CBX5: variants seen among roughly 807,000 people sequenced by gnomAD.
The protein encoded by CBX5 is chromobox protein homolog 5.
CBX5 carries 7 observed loss-of-function variants against 20.7 expected under a neutral mutation model. That is an observed-to-expected ratio of 0.34 (90% CI 0.19 to 0.63). The LOEUF (loss-of-function observed/expected upper bound fraction) is 0.63. CBX5 is among the 30% of genes least tolerant of loss of function. CBX5 has a pLI of 0.75. For missense variants in CBX5, 110 were observed against 224.1 expected, an observed-to-expected ratio of 0.49 and a Z score of 3.25; for synonymous variants, 78 against 77.0, an observed-to-expected ratio of 1.01 and a Z score of -0.07.
intron 4 of CBX5, among the ~76,000 whole-genome samples, chr12:54,245,314 A>G (rs1321246380): frequency 6.6e-6 from 1 of 152,026 alleles, no homozygotes; most frequent in Non-Finnish European, 1.5e-5. Flanking sequence ...TCCGACCTTT[A>G]TATATTTTCT....
chr12:54,242,122 T>C (rs955001928), intron 4 of CBX5, among the ~76,000 whole-genome samples: 3 of 152,206 alleles, frequency 2.0e-5, no homozygotes, highest in Admixed American at 1.3e-4. Context: ...AGCTAGAATT[T>C]AGATGTAAAC....
rs572237003 is a variant in CBX5 at position 54,263,454 on chromosome 12, G to A, written c.-42-5762C>T. On this transcript the variant is annotated intron_variant, in intron 1 of 4. Transcript: ENST00000209875. ...GGGCAACCCAGAAAAACAAGAGGTA[G>A]GCCGGCACAGCGGCTCTCGCCTGTA... is the stretch of plus-strand genomic sequence containing the variant. Among the ~76,000 whole-genome samples the A allele has an allele frequency of 3.9e-5, 6 of 152,144 alleles. No individual in the cohort carries two copies. In the South Asian group the frequency reaches 1.2e-3, roughly 32 times the overall value.
At chr12:54,266,165 T>C (rs1943954565) in intron 1 of CBX5, among the ~76,000 whole-genome samples, 1 of 151,276 alleles carries the variant, frequency 6.6e-6, no homozygotes, top group Admixed American at 6.6e-5. Flanking sequence ...CCCAGCACTT[T>C]GAGAGGCAGA....
intron 4 of CBX5, among the ~76,000 whole-genome samples, chr12:54,242,542 A>C (rs1462956349): frequency 6.6e-6 from 1 of 151,716 alleles, no homozygotes; most frequent in East Asian, 1.9e-4. Flanking sequence ...AAAAAAAAAA[A>C]AACCTACATT....
chr12:54,265,645 C>G (rs1045271443), intron 1 of CBX5, among the ~76,000 whole-genome samples: 1 of 152,200 alleles, frequency 6.6e-6, no homozygotes, highest in Non-Finnish European at 1.5e-5. Context: ...CTATCATTAA[C>G]GAGCCACATA....
rs1337413514 is a variant in CBX5 at position 54,234,360 on chromosome 12, GT to G, written c.*7394del. ...GGCAATGACAGTTTAGGTTAACTCT[GT>G]TTGGAATTCCTAAAAATAAAAAGAA... On this transcript the variant is annotated 3_prime_UTR_variant, in exon 5 of 5. Coordinates refer to ENST00000209875, the MANE Select transcript of CBX5 (RefSeq NM_012117.3). 7 of 151,110 alleles carry G rather than the reference GT, an allele frequency of 4.6e-5. No individual in the cohort carries two copies. The highest frequency in any genetic ancestry group is 4.6e-4 in the Admixed American group (7 of 15,138). 9.4% of individuals were successfully genotyped at this position (151,110 alleles called of 1,614,324 possible).
At chr12:54,248,406 G>A (rs558786119) in intron 3 of CBX5, among the ~76,000 whole-genome samples, 1 of 152,298 alleles carries the variant, frequency 6.6e-6, no homozygotes, top group South Asian at 2.1e-4. Flanking sequence ...TCTACTGCCC[G>A]ATTTTCATAA....
chr12:54,242,294 G>C (rs1943684510), intron 4 of CBX5, among the ~76,000 whole-genome samples: 1 of 152,102 alleles, frequency 6.6e-6, no homozygotes, highest in South Asian at 2.1e-4. Flanking sequence ...GGGAGGCCGA[G>C]GCGGGTGGAT....
At position 54,233,006 on chromosome 12, in the gene CBX5, G is replaced by T. The variant is rs1445460229; in HGVS notation, c.*8749C>A. On this transcript the variant is annotated 3_prime_UTR_variant, in exon 5 of 5. Coordinates refer to ENST00000209875, the MANE Select transcript of CBX5 (RefSeq NM_012117.3). ...TAGCGCTCTTATAAAGCTGCAAGTT[G>T]GTGGCGTGGGAATCCTAGCACCACA... 1 of 152,046 alleles carries T rather than the reference G, an allele frequency of 6.6e-6. No homozygotes were observed. The highest frequency in any genetic ancestry group is 1.5e-5 in the Non-Finnish European group (1 of 68,020). 9.4% of individuals were successfully genotyped at this position (152,046 alleles called of 1,614,324 possible).
At chr12:54,248,018 T>A (rs1943754468) in intron 3 of CBX5, among the ~76,000 whole-genome samples, 1 of 152,052 alleles carries the variant, frequency 6.6e-6, no homozygotes, top group Admixed American at 6.6e-5. Flanking sequence ...TTTTTCCATT[T>A]TTAGTAGAGA....
intron 1 of CBX5, chr12:54,272,827 G>A (rs1029072528): frequency 6.6e-6 from 1 of 152,190 alleles, no homozygotes; most frequent in African/African-American, 2.4e-5. Context: ...CTTAGGTCTA[G>A]AAGGCTTGTT....
intron 1 of CBX5, 30 bp downstream of exon 1, chr12:54,279,978 T>C (rs1423183712): frequency 7.0e-6 from 1 of 143,624 alleles, no homozygotes. Context: ...CAAGACCTAC[T>C]ATGGGTAGAT....
At position 54,231,118 on chromosome 12, in the gene CBX5, T is replaced by C. The variant is rs1388399067; in HGVS notation, c.*10637A>G. The C allele has an allele frequency of 6.6e-6, 1 of 152,138 alleles. No individual in the cohort carries two copies. The highest frequency in any genetic ancestry group is 1.5e-5 in the Non-Finnish European group (1 of 68,032). 9.4% of individuals were successfully genotyped at this position (152,138 alleles called of 1,614,324 possible). On this transcript the variant is annotated 3_prime_UTR_variant, in exon 5 of 5. Transcript: ENST00000209875. ...AAGGTGAACATATATATAGACCACT[T>C]ATACTTTAAAAAAAAAATCAAAAGC...
At chr12:54,265,009 C>G (rs1428731801) in intron 1 of CBX5, among the ~76,000 whole-genome samples, 1 of 152,262 alleles carries the variant, frequency 6.6e-6, no homozygotes, top group African/African-American at 2.4e-5. Context: ...AAGCAAAATC[C>G]TTTAGGAAGT....
At chr12:54,252,278 G>A (rs1376885449) in intron 2 of CBX5, 51 bp from the exon 3 acceptor site, 3 of 1,388,786 alleles carry the variant, frequency 2.2e-6, no homozygotes, top group South Asian at 2.7e-5. Flanking sequence ...GGTAAAGAAT[G>A]AGGAAAAAAA....
At chr12:54,247,348 G>A (rs1943747321) in intron 3 of CBX5, among the ~76,000 whole-genome samples, 1 of 152,170 alleles carries the variant, frequency 6.6e-6, no homozygotes, top group Non-Finnish European at 1.5e-5. Flanking sequence ...CTAGGAATTG[G>A]AGACCAACAT....
chr12:54,259,887 G>A (rs1038167470), intron 1 of CBX5, among the ~76,000 whole-genome samples: 1 of 152,138 alleles, frequency 6.6e-6, no homozygotes. Context: ...CATCTAACAA[G>A]ATTACAGCTC....
At chr12:54,252,007 A>G in intron 3 of CBX5, 34 bp downstream of exon 3, 2 of 1,493,340 alleles carry the variant, frequency 1.3e-6, no homozygotes, top group Non-Finnish European at 1.8e-6. Flanking sequence ...GTGGCAAAAG[A>G]ATAGTTTTTG....
In CBX5 at chr12:54,239,695, T is replaced by C. The variant is rs889306539; in HGVS notation, c.*2060A>G. 1 of 152,192 alleles carries C rather than the reference T, an allele frequency of 6.6e-6. No individual in the cohort carries two copies. The highest frequency in any genetic ancestry group is 1.5e-5 in the Non-Finnish European group (1 of 68,020). The allele number at this position is 152,192 out of a possible 1,614,324, so 9.4% of individuals were successfully genotyped here. On this transcript the variant is annotated 3_prime_UTR_variant, in exon 5 of 5. Coordinates refer to ENST00000209875, the MANE Select transcript of CBX5 (RefSeq NM_012117.3). ...ATAAAACTCCCACCCACTTGAGGTA[T>C]GGTTTATGAGCTCTTGCCCAATCAC...
Sources: gnomAD v4.1 joint callset for allele counts (sites outside exome capture counted in the v4.1 genomes callset) on GRCh38, gnomAD v4.1.1 for gene constraint, MANE v1.5 for transcripts, NCBI Gene and HGNC (gene_info 2026-07-23, HGNC 2026-07-21) for gene names.